ZNF90: variants seen among roughly 807,000 people sequenced by gnomAD.
ZNF90 encodes the protein zinc finger protein 90.
A neutral mutation model predicts 12.0 loss-of-function variants in ZNF90; 11 were observed. That is an observed-to-expected ratio of 0.92 (90% CI 0.58 to 1.52). The LOEUF is 1.52. Ranked by LOEUF, ZNF90 falls within the 40% of genes most tolerant of loss-of-function variation. ZNF90 has a pLI of 0.00. For missense variants in ZNF90, 765 were observed against 711.5 expected, an observed-to-expected ratio of 1.08 and a Z score of -0.86; for synonymous variants, 232 against 240.1, an observed-to-expected ratio of 0.97 and a Z score of 0.31.
chr19:20,108,355 G>A (rs1387503364), intron 3 of ZNF90, among the ~76,000 whole-genome samples: 1 of 152,212 alleles, frequency 6.6e-6, no homozygotes, highest in African/African-American at 2.4e-5. Context: ...TCTCACCCAG[G>A]TTGGAGTGCA....
At chr19:20,105,405 G>T in intron 3 of ZNF90, 89 bp downstream of exon 3, 1 of 1,087,756 alleles carries the variant, frequency 9.2e-7, no homozygotes, top group Admixed American at 2.4e-5. Context: ...ATGTGATTTA[G>T]GAAGCTGTGT....
chr19:20,094,667 G>T (rs2088928735), intron 1 of ZNF90, among the ~76,000 whole-genome samples: 1 of 152,188 alleles, frequency 6.6e-6, no homozygotes, highest in East Asian at 1.9e-4. Context: ...ATCAGCATGA[G>T]ATTGGGCTAG....
chr19:20,092,934 G>T (rs901973309), intron 1 of ZNF90, among the ~76,000 whole-genome samples: 55 of 152,108 alleles, frequency 3.6e-4, no homozygotes, highest in African/African-American at 1.3e-3. Flanking sequence ...TGGAAGGAAA[G>T]TAGATCATGA....
intron 1 of ZNF90, among the ~76,000 whole-genome samples, chr19:20,091,566 T>C (rs924698106): frequency 3.9e-5 from 6 of 152,016 alleles, no homozygotes; most frequent in Non-Finnish European, 5.9e-5. Flanking sequence ...GGGACAGAAG[T>C]TGGAGAGCTA....
Position 20,118,668 on chromosome 19 carries a change from G to A in ZNF90, c.1114G>A (p.Asp372Asn), listed in dbSNP as rs782334776. The A allele has an allele frequency of 1.2e-5, 19 of 1,567,662 alleles. No individual in the cohort carries two copies. The highest frequency in any genetic ancestry group is 1.6e-5 in the Non-Finnish European group (18 of 1,157,338). Residue 372 changes from aspartate (D) to asparagine (N), a missense_variant, in exon 4 of 4, where the codon GAT (aspartate) becomes AAT (asparagine). Asp to Asn is a conservative substitution (Grantham distance 23). Coordinates refer to ENST00000418063, the MANE Select transcript of ZNF90 (RefSeq NM_007138.2). ...IHTGEKPYKCDKCGKAFISSS... is the reference protein window; with the variant it reads ...IHTGEKPYKCNKCGKAFISSS... ...TACTGGAGAGAAACCCTACAAGTGT[G>A]ATAAATGTGGCAAAGCATTTATTTC...
intron 1 of ZNF90, among the ~76,000 whole-genome samples, chr19:20,100,906 G>C (rs781877835): frequency 2.0e-5 from 3 of 152,182 alleles, no homozygotes; most frequent in Admixed American, 1.3e-4. Flanking sequence ...TGAGAGCAGA[G>C]GGGGAGGGAC....
At chr19:20,088,892 C>A (rs1228755161) in intron 1 of ZNF90, among the ~76,000 whole-genome samples, 4 of 152,118 alleles carry the variant, frequency 2.6e-5, no homozygotes, top group Non-Finnish European at 4.4e-5. Flanking sequence ...TGGAAGAACT[C>A]TTTTTTGTCA....
In ZNF90 at chr19:20,120,277, A is replaced by G. The variant is rs1023242583; in HGVS notation, c.*917A>G. 1.3e-5 allele frequency among the ~76,000 whole-genome samples: 2 copies of G among 152,256 alleles called. No individual in the cohort carries two copies. Among genetic ancestry groups the G allele is most frequent in the Non-Finnish European group, 2.9e-5 (2 of 68,050 alleles). ...TGGTTCACAGTTAATGAAAGCATTT[A>G]AAGTGCAATTATGCTCAAGAAATCT... On this transcript the variant is annotated 3_prime_UTR_variant, in exon 4 of 4. Transcript: ENST00000418063.
At chr19:20,090,196 A>T (rs910052416) in intron 1 of ZNF90, among the ~76,000 whole-genome samples, 10 of 152,200 alleles carry the variant, frequency 6.6e-5, no homozygotes, top group Non-Finnish European at 1.5e-4. Context: ...GGAGAATAGG[A>T]GTATGACCGG....
chr19:20,099,624 G>A (rs1288445605), intron 1 of ZNF90, among the ~76,000 whole-genome samples: 1 of 152,120 alleles, frequency 6.6e-6, no homozygotes, highest in Non-Finnish European at 1.5e-5. Context: ...GGCGTCCCAC[G>A]ACAGGCAGTC....
chr19:20,108,828 G>A (rs1297819261), intron 3 of ZNF90, among the ~76,000 whole-genome samples: 2 of 139,384 alleles, frequency 1.4e-5, no homozygotes, highest in Admixed American at 1.5e-4. Context: ...CTGAGTTCAT[G>A]CCATTCTTCT....
At position 20,118,836 on chromosome 19, in the gene ZNF90, C is replaced by G. The variant is rs782047865; in HGVS notation, c.1282C>G (p.Gln428Glu). Reference sequence around the variant, plus strand: ...TACTGAAGAGAAACCCTACAAATGTCAAGAATGTGACAAAGTCTTCAAACG... The same window carrying G: ...TACTGAAGAGAAACCCTACAAATGTGAAGAATGTGACAAAGTCTTCAAACG... ...SHTEEKPYKC[Q>E]ECDKVFKRSS... Residue 428 changes from glutamine (Q) to glutamate (E), a missense_variant, in exon 4 of 4, where the codon CAA becomes GAA. By Grantham distance (29) the Gln-to-Glu change is conservative (BLOSUM62 2). Transcript: ENST00000418063. 6.2e-6 allele frequency: 10 copies of G among 1,600,524 alleles called. No individual in the cohort carries two copies. In the East Asian group the frequency reaches 1.8e-4, roughly 29 times the overall value.
rs572778356 is a variant in ZNF90 at position 20,088,922 on chromosome 19, A to C, written c.3+10787A>C. Among the ~76,000 whole-genome samples, 80 of 152,316 alleles carry C rather than the reference A, an allele frequency of 5.3e-4. 1 individual carries two copies. The highest frequency in any genetic ancestry group is 1.7e-3 in the African/African-American group (72 of 41,564). The stretch of plus-strand genomic sequence containing the variant: ...TTGTCATGTTGGTGTCATGAGGGGA[A>C]CAGGGAGCTCTTCGGTCCTATTTGC... On this transcript the variant is annotated intron_variant, in intron 1 of 3. Transcript: ENST00000418063.
rs538505221 is a variant in ZNF90, at chr19:20,084,196, G to A, written c.3+6061G>A. Among the ~76,000 whole-genome samples, 38 of 152,046 alleles carry A rather than the reference G, an allele frequency of 2.5e-4. 2 individuals carry two copies. The South Asian group carries it at 7.9e-3, about 32-fold the overall frequency. On this transcript the variant is annotated intron_variant, in intron 1 of 3. Transcript: ENST00000418063. The stretch of plus-strand genomic sequence containing the variant: ...AGCCTTCTGTGTAGCTGGGACTACA[G>A]GTGCTGGCCACCACGCATGGCAAAT...
intron 3 of ZNF90, among the ~76,000 whole-genome samples, chr19:20,109,890 T>C (rs994803733): frequency 6.6e-6 from 1 of 152,122 alleles, no homozygotes; most frequent in Non-Finnish European, 1.5e-5. Context: ...AAAAGACTTC[T>C]AGAAACTTTA....
At chr19:20,082,168 T>G (rs1249245820) in intron 1 of ZNF90, among the ~76,000 whole-genome samples, 1 of 152,150 alleles carries the variant, frequency 6.6e-6, no homozygotes, top group Admixed American at 6.5e-5. Flanking sequence ...ATTTTATCAC[T>G]GAGATACTAC....
intron 1 of ZNF90, chr19:20,080,299 A>G (rs1490055168): frequency 7.3e-6 from 4 of 551,040 alleles, no homozygotes; most frequent in African/African-American, 5.8e-5. Context: ...ATTGTAGACA[A>G]CATGGACGAT....
chr19:20,113,393 A>G (rs1167870389), intron 3 of ZNF90, among the ~76,000 whole-genome samples: 1 of 151,984 alleles, frequency 6.6e-6, no homozygotes, highest in African/African-American at 2.4e-5. Context: ...GGGTTTCACT[A>G]TGTTGGTCAG....
At position 20,100,752 on chromosome 19, in the gene ZNF90, C is replaced by G. The variant is rs149031096; in HGVS notation, c.4-3487C>G. On this transcript the variant is annotated intron_variant, in intron 1 of 3. Transcript: ENST00000418063. ...GCCTGCTAAGAATTCCTAAGCCTAG[C>G]TGGGGAAGGTGACTGCACCTGCCTT... 8.4e-3 allele frequency among the ~76,000 whole-genome samples: 1,279 copies of G among 152,320 alleles called. 26 individuals carry two copies. The highest frequency in any genetic ancestry group is 0.029 in the African/African-American group (1,212 of 41,570).
Sources: gnomAD v4.1 joint callset for allele counts (sites outside exome capture counted in the v4.1 genomes callset) on GRCh38, gnomAD v4.1.1 for gene constraint, MANE v1.5 for transcripts, NCBI Gene and HGNC (gene_info 2026-07-23, HGNC 2026-07-21) for gene names.